The following DLG5 variants were observed in gnomAD, a reference collection of about 807,000 sequenced individuals.
DLG5 encodes the protein discs large MAGUK scaffold protein 5.
DLG5 carries 48 observed loss-of-function variants against 189.8 expected under a neutral mutation model. That is an observed-to-expected ratio of 0.25 (90% confidence interval 0.20 to 0.32). The LOEUF (loss-of-function observed/expected upper bound fraction) is 0.32, where lower values mean the gene tolerates loss of function less well. DLG5 is among the 10% of genes least tolerant of loss of function. DLG5 has a pLI of 1.00. For missense variants in DLG5, 2,160 were observed against 2,544.7 expected, an observed-to-expected ratio of 0.85 and a Z score of 3.25; for synonymous variants, 1,016 against 1,054.1, an observed-to-expected ratio of 0.96 and a Z score of 0.70.
At position 77,829,416 on chromosome 10, in the gene DLG5, C is replaced by A. The variant is rs779681123; in HGVS notation, c.2124G>T (p.Arg708=). The A allele has an allele frequency of 6.2e-7, 1 of 1,614,240 alleles. No individual in the cohort carries two copies. The highest frequency in any genetic ancestry group is 8.5e-7 in the Non-Finnish European group (1 of 1,180,048). ...GEGAINMVVR[R]RKSLGGKVVT... ...CCACCTTCCCACCCAGGGACTTCCT[C>A]CGCCGCACGACCATGTTGATGGCCC... The change falls in exon 12 of 32, where the codon CGG becomes CGT. Residue 708 remains arginine (R), a synonymous_variant. Coordinates refer to ENST00000372391, the MANE Select transcript of DLG5 (RefSeq NM_004747.4).
chr10:77,812,828 A>C (rs888030480), intron 20 of DLG5, among the ~76,000 whole-genome samples: 2 of 152,262 alleles, frequency 1.3e-5, no homozygotes, highest in African/African-American at 4.8e-5. Context: ...ACACAGAGTG[A>C]TGCAAACTGG....
At chr10:77,884,614 T>C (rs1211599998) in intron 1 of DLG5, among the ~76,000 whole-genome samples, 3 of 152,196 alleles carry the variant, frequency 2.0e-5, no homozygotes, top group Non-Finnish European at 4.4e-5. Context: ...AATCTGTGTC[T>C]CTGACATCCT....
chr10:77,794,268 C>T (rs1840791099), intron 30 of DLG5, 151 bp from the exon 31 acceptor site: 2 of 667,852 alleles, frequency 3.0e-6, no homozygotes, highest in South Asian at 3.6e-5. Flanking sequence ...CAGCAACAGC[C>T]TGTAGGCTGT....
intron 8 of DLG5, among the ~76,000 whole-genome samples, chr10:77,835,288 G>A (rs973742669): frequency 6.6e-6 from 1 of 152,066 alleles, no homozygotes; most frequent in African/African-American, 2.4e-5. Flanking sequence ...GCCCCCCACA[G>A]CCCTAGAGCT....
At chr10:77,879,620 G>T (rs1401923548) in intron 1 of DLG5, among the ~76,000 whole-genome samples, 1 of 151,568 alleles carries the variant, frequency 6.6e-6, no homozygotes, top group Non-Finnish European at 1.5e-5. Context: ...TGGATTTGAG[G>T]GATATTTTGG....
chr10:77,842,118 C>A lies in DLG5; in HGVS notation c.1200G>T (p.Leu400=). Reference sequence around the variant, plus strand: ...TTCTCAGCTCGGTCAGCTCTGACTGCAGCAGCTCCATCTCCCACTGCAGGT... The same window carrying A: ...TTCTCAGCTCGGTCAGCTCTGACTGAAGCAGCTCCATCTCCCACTGCAGGT... ...NKDLQWEMEL[L]QSELTELRTT... The change falls in exon 7 of 32, where the codon CTG becomes CTT. Residue 400 remains leucine (L), a synonymous_variant. Coordinates refer to ENST00000372391, the MANE Select transcript of DLG5 (RefSeq NM_004747.4). 6.2e-7 allele frequency: 1 copy of A among 1,612,636 alleles called. No homozygotes were observed. The highest frequency in any genetic ancestry group is 8.5e-7 in the Non-Finnish European group (1 of 1,180,028).
intron 9 of DLG5, among the ~76,000 whole-genome samples, chr10:77,831,444 C>A (rs141208255): frequency 7.9e-5 from 12 of 152,090 alleles, no homozygotes; most frequent in African/African-American, 2.9e-4. Flanking sequence ...AAAATGCCAA[C>A]AAGATTTTTG....
intron 3 of DLG5, among the ~76,000 whole-genome samples, chr10:77,854,855 G>A (rs924240381): frequency 1.3e-5 from 2 of 152,016 alleles, no homozygotes; most frequent in African/African-American, 4.8e-5. Context: ...CTGGTGTGGT[G>A]GCATGTGCCT....
rs1417752340 is a variant in DLG5, at chr10:77,821,329, G to A, written c.3155C>T (p.Pro1052Leu). Residue 1052 changes from proline to leucine, a missense_variant, in exon 15 of 32, where the codon CCC becomes CTC. By Grantham distance (98) the Pro-to-Leu change is moderately conservative (BLOSUM62 -3). Around this residue, in one of 5 missense-constraint regions of DLG5, gnomAD observed 754 missense variants for 746.5 expected, o/e 1.01. Transcript: ENST00000372391. ...GGGCTCCCCGGGGTCCACGTCAGGG[G>A]GCAGGGCGCTCGGGGGACTAGTGGA... ...SPSTSPPSAL[P>L]PDVDPGEPMH... 1 of 1,613,240 alleles carries A rather than the reference G, an allele frequency of 6.2e-7. No individual in the cohort carries two copies. The highest frequency in any genetic ancestry group is 8.5e-7 in the Non-Finnish European group (1 of 1,180,026).
chr10:77,820,413 C>T (rs1416969090), intron 15 of DLG5: 1 of 168,420 alleles, frequency 5.9e-6, no homozygotes. Flanking sequence ...GTTTCTGCCC[C>T]CCAGGAACCA....
chr10:77,876,719 G>GAGGA (rs1845105987), intron 1 of DLG5, among the ~76,000 whole-genome samples: 1 of 84,138 alleles, frequency 1.2e-5, no homozygotes, highest in Non-Finnish European at 2.5e-5. Flanking sequence ...GGGAGGGAGG[G>GAGGA]AGGGAGGGAA....
rs1383152537 is a variant in DLG5, at chr10:77,809,726, C to T, written c.4468G>A (p.Ala1490Thr). 2 of 1,610,630 alleles carry T rather than the reference C, an allele frequency of 1.2e-6. No individual in the cohort carries two copies. The highest frequency in any genetic ancestry group is 1.3e-5 in the African/African-American group (1 of 74,662). The change falls in exon 24 of 32, where the codon GCG becomes ACG. Residue 1490 changes from alanine to threonine, a missense_variant. Ala to Thr is a moderately conservative substitution (Grantham distance 58). Around this residue, in one of 5 missense-constraint regions of DLG5, gnomAD observed 574 missense variants for 644.2 expected, o/e 0.89. Coordinates refer to ENST00000372391, the MANE Select transcript of DLG5 (RefSeq NM_004747.4). ...AGGGTCTTCTTGTTGGCATCTCCCG[C>T]AATCCTTTCAGGAAAAAAACAAAGT... ...PPAKQSSSRIAGDANKKTLEP... is the reference protein window; with the variant it reads ...PPAKQSSSRITGDANKKTLEP...
At chr10:77,897,597 G>T (rs1845800799) in intron 1 of DLG5, among the ~76,000 whole-genome samples, 1 of 150,570 alleles carries the variant, frequency 6.6e-6, no homozygotes, top group Non-Finnish European at 1.5e-5. Context: ...ACCGAGGTGG[G>T]TCAATAACCT....
chr10:77,805,310 C>T (rs1841413737), intron 27 of DLG5, among the ~76,000 whole-genome samples: 1 of 152,170 alleles, frequency 6.6e-6, no homozygotes, highest in East Asian at 1.9e-4. Context: ...TGCAAGTGGA[C>T]AATGAGATGC....
chr10:77,833,816 C>T (rs1010954357), intron 9 of DLG5, 98 bp downstream of exon 9: 6 of 1,523,770 alleles, frequency 3.9e-6, no homozygotes, highest in Non-Finnish European at 5.3e-6. Flanking sequence ...AAGGATGAGG[C>T]CCTGGCCAAT....
chr10:77,918,972 C>T (rs1175907312), intron 1 of DLG5, among the ~76,000 whole-genome samples: 4 of 152,030 alleles, frequency 2.6e-5, no homozygotes, highest in Admixed American at 6.5e-5. Context: ...TCACAGCACT[C>T]TGGGAGGCTG....
intron 22 of DLG5, 129 bp downstream of exon 22, chr10:77,811,795 C>A: frequency 7.5e-7 from 1 of 1,333,964 alleles, no homozygotes; most frequent in Non-Finnish European, 1.0e-6. Context: ...CTGGTCAACT[C>A]TCTCTTTAGC....
intron 1 of DLG5, among the ~76,000 whole-genome samples, chr10:77,908,427 TC>T (rs1846126914): frequency 6.6e-6 from 1 of 151,438 alleles, no homozygotes; most frequent in South Asian, 2.1e-4. Flanking sequence ...CCCAACCCAT[TC>T]CCCTCTCCAG....
At chr10:77,883,484 T>G (rs1228216127) in intron 1 of DLG5, among the ~76,000 whole-genome samples, 1 of 151,690 alleles carries the variant, frequency 6.6e-6, no homozygotes, top group Non-Finnish European at 1.5e-5. Context: ...AGTTTCAGGC[T>G]AACACAGTCC....
Sources: gnomAD v4.1 joint callset for allele counts (sites outside exome capture counted in the v4.1 genomes callset) on GRCh38, gnomAD v4.1.1 for gene constraint, gnomAD v4.1.1 regional missense constraint, MANE v1.5 for transcripts, NCBI Gene and HGNC (gene_info 2026-07-23, HGNC 2026-07-21) for gene names.